ZZEF1: variants seen among roughly 807,000 people sequenced by gnomAD.
ZZEF1 encodes zinc finger ZZ-type and EF-hand domain containing 1.
ZZEF1 carries 157 observed loss-of-function variants against 342.8 expected under a neutral mutation model. The observed-to-expected ratio is 0.46, with a 90% CI of 0.40 to 0.52. The LOEUF is 0.52. Among genes scored for constraint, ZZEF1 ranks in the 20% least tolerant of loss-of-function variants. The probability of loss-of-function intolerance (pLI) is 0.00; values close to 1 mark genes in which losing one functional copy is unlikely to be tolerated. For synonymous variants in ZZEF1, 1,505 were observed against 1,429.1 expected, an observed-to-expected ratio of 1.05 and a Z score of -1.20; for missense variants, 3,480 against 3,725.6, an observed-to-expected ratio of 0.93 and a Z score of 1.72.
rs147384383 is a variant in ZZEF1 at position 4,115,155 on chromosome 17, G to A, written c.695-685C>T. Among the ~76,000 whole-genome samples, 803 of 152,048 alleles carry A rather than the reference G, an allele frequency of 5.3e-3. 9 individuals are homozygous for A. The highest frequency in any genetic ancestry group is 0.018 in the African/African-American group (763 of 41,454). On this transcript the variant is annotated intron_variant, in intron 3 of 54. Coordinates refer to ENST00000381638, the MANE Select transcript of ZZEF1 (RefSeq NM_015113.4). ...TCCTGCCTCATTCTCCCAAGTAGCCGGGACTACAGGTGTGCACCACCACGC... is the reference window on the plus strand; with the variant it reads ...TCCTGCCTCATTCTCCCAAGTAGCCAGGACTACAGGTGTGCACCACCACGC...
intron 39 of ZZEF1, among the ~76,000 whole-genome samples, chr17:4,040,147 G>T (rs1370139001): frequency 6.6e-6 from 1 of 152,150 alleles, no homozygotes; most frequent in East Asian, 1.9e-4. Flanking sequence ...TGTCACAGGG[G>T]TCCGGATGAA....
intron 11 of ZZEF1, among the ~76,000 whole-genome samples, chr17:4,094,761 G>A (rs898154963): frequency 1.3e-5 from 2 of 152,108 alleles, no homozygotes; most frequent in African/African-American, 4.8e-5. Context: ...CAATCACCAG[G>A]TCCTGTCGCT....
Position 4,013,477 on chromosome 17 carries a change from GAAGT to G in ZZEF1, c.8547_8550del (p.Leu2849PhefsTer2), listed in dbSNP as rs2056019634. ...TGGCCGCAGCATCGCACAATCCTCA[GAAGT>G]AAGTGGATGGCTTTTAATCGTTGAT... On this transcript the variant is annotated frameshift_variant, in exon 52 of 55. Transcript: ENST00000381638. LOFTEE classifies it high-confidence loss of function. 2 of 1,613,254 alleles carry G rather than the reference GAAGT, an allele frequency of 1.2e-6. No individual in the cohort carries two copies. The highest frequency in any genetic ancestry group is 1.3e-5 in the African/African-American group (1 of 75,014).
At chr17:4,126,053 C>T (rs540137001) in intron 1 of ZZEF1, among the ~76,000 whole-genome samples, 4 of 151,736 alleles carry the variant, frequency 2.6e-5, no homozygotes, top group South Asian at 2.1e-4. Flanking sequence ...GGTGAAACCC[C>T]GTCTCTACTA....
intron 34 of ZZEF1, 50 bp downstream of exon 34, chr17:4,054,007 C>T (rs1382098865): frequency 3.9e-6 from 6 of 1,550,904 alleles, no homozygotes; most frequent in South Asian, 3.7e-5. Flanking sequence ...TCATAGAAAT[C>T]AGAAGTGATA....
At chr17:4,097,454 G>C (rs2058055258) in intron 9 of ZZEF1, among the ~76,000 whole-genome samples, 2 of 129,732 alleles carry the variant, frequency 1.5e-5, no homozygotes, top group South Asian at 5.3e-4. Flanking sequence ...TGTCAGGAAA[G>C]GTTATGAAAG....
At chr17:4,134,264 A>C (rs1035744244) in intron 1 of ZZEF1, among the ~76,000 whole-genome samples, 1 of 151,056 alleles carries the variant, frequency 6.6e-6, no homozygotes, top group African/African-American at 2.4e-5. Context: ...GGCTGCAGTG[A>C]GCTGTGATCA....
At chr17:4,123,371 G>A (rs1268414397) in intron 2 of ZZEF1, among the ~76,000 whole-genome samples, 2 of 148,366 alleles carry the variant, frequency 1.3e-5, no homozygotes, top group African/African-American at 2.5e-5. Context: ...CACCCACTGG[G>A]GGTGCTGGAA....
chr17:4,081,998 A>G (rs578236023), intron 17 of ZZEF1, among the ~76,000 whole-genome samples: 3 of 152,198 alleles, frequency 2.0e-5, no homozygotes, highest in Non-Finnish European at 4.4e-5. Flanking sequence ...CAATACTTCT[A>G]GTAATGAAGC....
At chr17:4,022,896 T>C in intron 43 of ZZEF1, 68 bp from the exon 44 acceptor site, 2 of 1,569,744 alleles carry the variant, frequency 1.3e-6, no homozygotes, top group Non-Finnish European at 1.7e-6. Context: ...TAGCTGTAAC[T>C]CAGTCTGTTC....
intron 42 of ZZEF1, among the ~76,000 whole-genome samples, chr17:4,029,456 T>C (rs2056488326): frequency 6.6e-6 from 1 of 150,738 alleles, no homozygotes. Context: ...TAAAAAAAAA[T>C]TGTGAGATGT....
In ZZEF1 at chr17:4,008,032, A is replaced by G. The variant is rs1036050080; in HGVS notation, c.8805+851T>C. Among the ~76,000 whole-genome samples, 1 of 146,718 alleles carries G rather than the reference A, an allele frequency of 6.8e-6. No individual in the cohort carries two copies. The highest frequency in any genetic ancestry group is 2.5e-5 in the African/African-American group (1 of 39,606). The stretch of plus-strand genomic sequence containing the variant: ...GGTTCTCAAAATGTACTCTGGGGCC[A>G]GGCGACTCCCGAGACCCTTTTGGGG... On this transcript the variant is annotated intron_variant, in intron 54 of 54. Transcript: ENST00000381638. This position sits in a 1 kb window ranked among gnomAD's most constrained non-coding sequence, Gnocchi z 4.2.
intron 34 of ZZEF1, 115 bp from the exon 35 acceptor site, chr17:4,052,251 T>C (rs1187239934): frequency 9.5e-7 from 1 of 1,050,726 alleles, no homozygotes; most frequent in Non-Finnish European, 1.3e-6. Context: ...TGCTCAGGGA[T>C]ACAGGGCCCA....
chr17:4,095,355 T>C (rs1398672196), intron 11 of ZZEF1, among the ~76,000 whole-genome samples: 1 of 152,242 alleles, frequency 6.6e-6, no homozygotes, highest in Non-Finnish European at 1.5e-5. Context: ...CTGTTGATAC[T>C]GCAAGTTTTC....
intron 28 of ZZEF1, among the ~76,000 whole-genome samples, chr17:4,065,328 T>G (rs1314165963): frequency 6.6e-6 from 1 of 151,896 alleles, no homozygotes; most frequent in African/African-American, 2.4e-5. Flanking sequence ...GTCTGAGAAG[T>G]TGAAGCTGCA....
chr17:4,083,218 C>T (rs2057756620), intron 16 of ZZEF1, among the ~76,000 whole-genome samples: 1 of 152,224 alleles, frequency 6.6e-6, no homozygotes, highest in South Asian at 2.1e-4. Flanking sequence ...TGCTATTTAA[C>T]TTCTCAGCAT....
At chr17:4,069,885 G>A (rs1416421772) in intron 26 of ZZEF1, among the ~76,000 whole-genome samples, 1 of 152,204 alleles carries the variant, frequency 6.6e-6, no homozygotes, top group Non-Finnish European at 1.5e-5. Context: ...CCACTCTAGT[G>A]GAAGGAAGCT....
Position 4,008,662 on chromosome 17 carries a change from T to G in ZZEF1, c.8805+221A>C. ...TTGTTTTGGTTTTAAAGACACAAAT[T>G]CTTCTGACCCCACAGTTTAGAGTGA... On this transcript the variant is annotated intron_variant, in intron 54 of 54. Transcript: ENST00000381638. The surrounding 1 kb of genome is among the most constrained non-coding windows in gnomAD (Gnocchi z 4.2). The G allele has an allele frequency of 8.0e-7, 1 of 1,245,654 alleles. No homozygotes were observed. Among genetic ancestry groups the G allele is most frequent in the African/African-American group, 1.5e-5 (1 of 64,768 alleles). The allele number at this position is 1,245,654 out of a possible 1,614,324, so 77.2% of individuals were successfully genotyped here.
chr17:4,134,530 G>A (rs969008745), intron 1 of ZZEF1, among the ~76,000 whole-genome samples: 1 of 151,864 alleles, frequency 6.6e-6, no homozygotes, highest in African/African-American at 2.4e-5. Context: ...ATTACGATAC[G>A]AGAACTAAGA....
Sources: gnomAD v4.1 joint callset for allele counts (sites outside exome capture counted in the v4.1 genomes callset) on GRCh38, gnomAD v4.1.1 for gene constraint, Gnocchi (gnomAD v3.1) non-coding constraint, MANE v1.5 for transcripts, NCBI Gene and HGNC (gene_info 2026-07-23, HGNC 2026-07-21) for gene names.